The following TMEM131L variants were observed in gnomAD, a reference collection of about 807,000 sequenced individuals.
TMEM131L encodes the protein transmembrane protein 131-like.
In TMEM131L, 54 loss-of-function variants were observed where a neutral mutation model predicts 192.2. That is an observed-to-expected ratio of 0.28 (90% CI 0.23 to 0.35). The LOEUF is 0.35. Among genes scored for constraint, TMEM131L ranks in the 10% least tolerant of loss-of-function variants. TMEM131L has a pLI of 1.00. For synonymous variants in TMEM131L, 701 were observed against 704.9 expected (o/e 0.99, Z 0.09); for missense variants, 1,888 against 1,972.9 (o/e 0.96, Z 0.82).
chr4:153,552,855 A>C (rs1737727696), intron 4 of TMEM131L, among the ~76,000 whole-genome samples: 1 of 151,762 alleles, frequency 6.6e-6, no homozygotes, highest in Non-Finnish European at 1.5e-5. Flanking sequence ...AACAAAAAAA[A>C]CTCTAGTTTA....
intron 7 of TMEM131L, among the ~76,000 whole-genome samples, chr4:153,572,539 C>T (rs1286317001): frequency 6.6e-6 from 1 of 152,076 alleles, no homozygotes; most frequent in East Asian, 1.9e-4. Flanking sequence ...CCATGTTGGT[C>T]AGGCTGGTCT....
chr4:153,600,568 A>G (rs1424998450), intron 21 of TMEM131L, among the ~76,000 whole-genome samples: 1 of 152,228 alleles, frequency 6.6e-6, no homozygotes, highest in East Asian at 1.9e-4. Flanking sequence ...TACTTATGTT[A>G]GTTTCAGCAA....
chr4:153,486,685 C>T (rs952584046), intron 3 of TMEM131L, among the ~76,000 whole-genome samples: 2 of 152,192 alleles, frequency 1.3e-5, no homozygotes, highest in Non-Finnish European at 2.9e-5. Flanking sequence ...GTTAAAAGAA[C>T]CCCTGGCTAC....
At chr4:153,626,959 A>G (rs1261131232) in intron 30 of TMEM131L, among the ~76,000 whole-genome samples, 1 of 152,236 alleles carries the variant, frequency 6.6e-6, no homozygotes. Flanking sequence ...AAAATAAACA[A>G]GTACAATTTA....
At chr4:153,516,981 C>T (rs28697066) in intron 3 of TMEM131L, among the ~76,000 whole-genome samples, 7,406 of 152,106 alleles carry the variant, frequency 0.049, 289 homozygotes, top group African/African-American at 0.11. Context: ...TGCGCGCCAC[C>T]ATGCCTGGCT....
At chr4:153,497,746 T>C (rs1733278112) in intron 3 of TMEM131L, among the ~76,000 whole-genome samples, 1 of 152,188 alleles carries the variant, frequency 6.6e-6, no homozygotes, top group South Asian at 2.1e-4. Context: ...TAGAAAGTGA[T>C]GACAAGCGTT....
At chr4:153,551,984 G>A (rs139490146) in intron 4 of TMEM131L, among the ~76,000 whole-genome samples, 301 of 152,148 alleles carry the variant, frequency 2.0e-3, no homozygotes, top group African/African-American at 6.7e-3. Flanking sequence ...CGGGCTGGGC[G>A]GATCACTTGA....
chr4:153,605,657 T>C (rs909001910), intron 25 of TMEM131L, among the ~76,000 whole-genome samples: 3 of 152,244 alleles, frequency 2.0e-5, no homozygotes, highest in Non-Finnish European at 4.4e-5. Context: ...TCCCAGCCTA[T>C]GGTCAGATTT....
At chr4:153,589,901 A>G (rs1199457368) in intron 16 of TMEM131L, among the ~76,000 whole-genome samples, 2 of 152,228 alleles carry the variant, frequency 1.3e-5, no homozygotes, top group African/African-American at 2.4e-5. Flanking sequence ...CCGAGTCATC[A>G]AAAGTGAGCT....
chr4:153,596,568 C>A (rs1330265507), intron 20 of TMEM131L, among the ~76,000 whole-genome samples, 183 bp downstream of exon 20: 3 of 152,188 alleles, frequency 2.0e-5, no homozygotes, highest in Non-Finnish European at 2.9e-5. Flanking sequence ...ATCCCCAAGG[C>A]CTCAGTCTCC....
At chr4:153,526,829 T>C (rs1735525876) in intron 3 of TMEM131L, among the ~76,000 whole-genome samples, 1 of 151,864 alleles carries the variant, frequency 6.6e-6, no homozygotes, top group South Asian at 2.1e-4. Flanking sequence ...ATAACAGAGA[T>C]AGGTGTAAAA....
In TMEM131L at chr4:153,636,311, C is replaced by T. The variant is rs1734568145; in HGVS notation, c.4568C>T (p.Thr1523Ile). ...ASFISSPPYL[T>I]STRSLSPMSG... ...TCATTTATACTTCAGCCCTACCTCACAAGCACCCGAAGCTTGTCTCCAATG... is the reference window on the plus strand; with the variant it reads ...TCATTTATACTTCAGCCCTACCTCATAAGCACCCGAAGCTTGTCTCCAATG... The change falls in exon 35 of 35, where the codon ACA becomes ATA. Residue 1523 changes from threonine (T) to isoleucine (I), a missense_variant. Coordinates refer to ENST00000409959, the MANE Select transcript of TMEM131L (RefSeq NM_001131007.2). 1.2e-6 allele frequency: 2 copies of T among 1,613,274 alleles called. No homozygotes were observed. The highest frequency in any genetic ancestry group is 2.2e-5 in the East Asian group (1 of 44,876).
intron 3 of TMEM131L, among the ~76,000 whole-genome samples, chr4:153,519,662 T>A (rs1241823005): frequency 6.6e-6 from 1 of 152,228 alleles, no homozygotes; most frequent in African/African-American, 2.4e-5. Flanking sequence ...ATGCATTTAG[T>A]ACATAGATAA....
At chr4:153,633,278 G>GGCATCTTGGTT in intron 32 of TMEM131L, 1 of 157,904 alleles carries the variant, frequency 6.3e-6, no homozygotes, top group Non-Finnish European at 1.4e-5. Context: ...GCGCAGTGGT[G>GGCATCTTGGTT]CAATTATAGC....
chr4:153,601,008 G>A (rs570513712), intron 21 of TMEM131L, among the ~76,000 whole-genome samples: 2 of 151,694 alleles, frequency 1.3e-5, no homozygotes, highest in Non-Finnish European at 2.9e-5. Context: ...TACTTGGGAG[G>A]CTGAGGCAAG....
chr4:153,598,879 ATAAT>A (rs1254588068), intron 21 of TMEM131L, 147 bp downstream of exon 21: 1 of 585,398 alleles, frequency 1.7e-6, no homozygotes, highest in Non-Finnish European at 2.6e-6. Context: ...ATTGATGCAA[ATAAT>A]TAGGCAAACA....
intron 7 of TMEM131L, among the ~76,000 whole-genome samples, chr4:153,561,025 A>C (rs1037672564): frequency 2.0e-5 from 3 of 152,226 alleles, no homozygotes; most frequent in Non-Finnish European, 4.4e-5. Flanking sequence ...CCAGTCTTCT[A>C]CAACTTTGCC....
intron 3 of TMEM131L, among the ~76,000 whole-genome samples, chr4:153,486,628 G>A (rs1214706122): frequency 2.0e-5 from 3 of 152,212 alleles, no homozygotes; most frequent in African/African-American, 4.8e-5. Context: ...CAGGAGGTCT[G>A]TGTGCTTCAC....
chr4:153,604,502 C>G (rs1732079655), intron 25 of TMEM131L, 72 bp downstream of exon 25: 2 of 1,394,018 alleles, frequency 1.4e-6, no homozygotes, highest in East Asian at 2.3e-5. Context: ...ATTGTTCTCA[C>G]CTGTGACCGT....
Sources: allele counts gnomAD v4.1 joint callset (sites outside exome capture counted in the v4.1 genomes callset), GRCh38; gene constraint gnomAD v4.1.1; transcripts MANE v1.5; gene names NCBI Gene and HGNC (gene_info 2026-07-23, HGNC 2026-07-21).